Variants in NFASC observed in about 807,000 individuals in gnomAD.
NFASC encodes neurofascin homolog.
NFASC carries 43 observed loss-of-function variants against 147.5 expected under a neutral mutation model. The observed-to-expected ratio is 0.29, with a 90% CI of 0.23 to 0.38. The LOEUF (loss-of-function observed/expected upper bound fraction) is 0.38. Ranked by LOEUF, NFASC falls within the 10% of genes least tolerant of loss-of-function variation. The probability of loss-of-function intolerance (pLI) is 1.00; values close to 1 mark genes in which losing one functional copy is unlikely to be tolerated. For missense variants in NFASC, 1,320 were observed against 1,689.0 expected (o/e 0.78, Z 3.83); for synonymous variants, 622 against 665.5 (o/e 0.93, Z 1.01).
At chr1:204,912,308 T>C (rs903795044) in intron 1 of NFASC, among the ~76,000 whole-genome samples, 2 of 152,074 alleles carry the variant, frequency 1.3e-5, no homozygotes, top group African/African-American at 2.4e-5. Flanking sequence ...GCTGTGTCCC[T>C]CGGATTTTGA....
intron 1 of NFASC, among the ~76,000 whole-genome samples, chr1:204,917,570 T>C (rs2149399171): frequency 6.6e-6 from 1 of 152,322 alleles, no homozygotes; most frequent in African/African-American, 2.4e-5. Context: ...TTATTTAGGA[T>C]TATTTTAAAA....
rs2095212491 is a variant in NFASC, at chr1:204,970,696, G to A, written c.1084G>A (p.Gly362Arg). The stretch of plus-strand genomic sequence containing the variant: ...TGGGAGACTGGTGTGTCGAGCCAAT[G>A]GAAACCCCAAACCCACTGTCCAGTG... ...EDGRLVCRANGNPKPTVQWMV... is the reference protein window; with the variant it reads ...EDGRLVCRANRNPKPTVQWMV... Residue 362 changes from glycine (G) to arginine (R), a missense_variant, in exon 11 of 30, where the codon GGA becomes AGA. By Grantham distance (125) the Gly-to-Arg change is moderately radical. Around this residue, in one of 3 missense-constraint regions of NFASC, gnomAD observed 981 missense variants for 1,289.5 expected, o/e 0.76. Transcript: ENST00000339876. 1 of 1,614,102 alleles carries A rather than the reference G, an allele frequency of 6.2e-7. No individual in the cohort carries two copies. The highest frequency in any genetic ancestry group is 8.5e-7 in the Non-Finnish European group (1 of 1,180,050).
intron 1 of NFASC, among the ~76,000 whole-genome samples, chr1:204,893,307 CT>C (rs1237825626): frequency 6.6e-6 from 1 of 152,056 alleles, no homozygotes; most frequent in African/African-American, 2.4e-5. Flanking sequence ...TACTGAACAG[CT>C]GAAAATATAG....
chr1:204,846,952 C>CGTGTGTGTGTCTGTGTGT (rs1034512647), intron 1 of NFASC, among the ~76,000 whole-genome samples: 3,497 of 124,600 alleles, frequency 0.028, 110 homozygotes, highest in East Asian at 0.11. Flanking sequence ...TGTGTGTACG[C>CGTGTGTGTGTCTGTGTGT]GTGTGTGTGT....
At chr1:204,929,760 C>T (rs2092162317) in intron 2 of NFASC, among the ~76,000 whole-genome samples, 1 of 152,038 alleles carries the variant, frequency 6.6e-6, no homozygotes. Context: ...GCCTCTTCCC[C>T]TTCTAATCTT....
chr1:204,909,718 C>G (rs564487302), intron 1 of NFASC, among the ~76,000 whole-genome samples: 1 of 152,256 alleles, frequency 6.6e-6, no homozygotes, highest in East Asian at 1.9e-4. Context: ...TTTAAGTTGG[C>G]CATCCAATTT....
chr1:204,886,107 CTA>C (rs1393320622), intron 1 of NFASC, among the ~76,000 whole-genome samples: 1 of 152,172 alleles, frequency 6.6e-6, no homozygotes, highest in African/African-American at 2.4e-5. Context: ...GACAATAAGT[CTA>C]GGCTCAAGCT....
At chr1:204,973,184 C>T (rs554904325) in intron 11 of NFASC, 92 bp from the exon 12 acceptor site, 31 of 1,419,218 alleles carry the variant, frequency 2.2e-5, no homozygotes, top group Admixed American at 8.7e-5. Context: ...CACAGCACCC[C>T]GCTTGTTCCT....
At chr1:204,883,806 A>T (rs2080783840) in intron 1 of NFASC, among the ~76,000 whole-genome samples, 1 of 152,196 alleles carries the variant, frequency 6.6e-6, no homozygotes, top group Non-Finnish European at 1.5e-5. Context: ...GGCCTGAGCC[A>T]CTGGAAGGCC....
chr1:204,835,001 T>C (rs1215577183), intron 1 of NFASC, among the ~76,000 whole-genome samples: 2 of 152,144 alleles, frequency 1.3e-5, no homozygotes, highest in African/African-American at 4.8e-5. Context: ...AAGCACCTGC[T>C]ATTTGGGTCA....
At chr1:204,936,976 G>C (rs1446094664) in intron 2 of NFASC, among the ~76,000 whole-genome samples, 1 of 152,172 alleles carries the variant, frequency 6.6e-6, no homozygotes, top group Non-Finnish European at 1.5e-5. Flanking sequence ...CCTGCCACAG[G>C]GCCTTTGCAC....
At chr1:204,953,571 C>T (rs1336260724) in intron 5 of NFASC, among the ~76,000 whole-genome samples, 1 of 152,208 alleles carries the variant, frequency 6.6e-6, no homozygotes, top group East Asian at 1.9e-4. Flanking sequence ...ACTGGGATTA[C>T]AGGCGTGAGC....
intron 4 of NFASC, among the ~76,000 whole-genome samples, chr1:204,950,831 C>T (rs2094057227): frequency 6.6e-6 from 1 of 152,166 alleles, no homozygotes; most frequent in Admixed American, 6.5e-5. Context: ...GCTGTTTCCC[C>T]ATCCTCCAGT....
chr1:205,004,950 G>A (rs1215161995), intron 27 of NFASC, among the ~76,000 whole-genome samples: 1 of 152,232 alleles, frequency 6.6e-6, no homozygotes, highest in Non-Finnish European at 1.5e-5. Flanking sequence ...ACATAACCCT[G>A]GACTCCAAGA....
At chr1:205,009,793 C>A in intron 28 of NFASC, 105 bp downstream of exon 28, 1 of 1,198,952 alleles carries the variant, frequency 8.3e-7, no homozygotes, top group Non-Finnish European at 1.2e-6. Context: ...CTCAGTGAAG[C>A]CAGCCCTTGC....
chr1:204,928,976 C>T (rs1451954698), intron 2 of NFASC, among the ~76,000 whole-genome samples: 1 of 152,170 alleles, frequency 6.6e-6, no homozygotes, highest in Non-Finnish European at 1.5e-5. Context: ...TTCTTCTTTC[C>T]CAGCCCTTCC....
chr1:204,901,073 G>A lies in NFASC; in HGVS notation c.-199-19559G>A, dbSNP rs2084465669. 2.0e-5 allele frequency among the ~76,000 whole-genome samples: 3 copies of A among 152,160 alleles called. No individual in the cohort carries two copies. The South Asian group carries it at 6.2e-4, about 32-fold the overall frequency. On this transcript the variant is annotated intron_variant, in intron 1 of 29. Coordinates refer to ENST00000339876, the MANE Select transcript of NFASC (RefSeq NM_001005388.3). ...GAGGCAAAGAGCACTCTTGAGGTCT[G>A]TCATGAACTAAAATGGGAAAGGCTG... is the stretch of plus-strand genomic sequence containing the variant.
At chr1:204,923,762 C>T (rs1225003715) in intron 2 of NFASC, among the ~76,000 whole-genome samples, 1 of 152,164 alleles carries the variant, frequency 6.6e-6, no homozygotes, top group Non-Finnish European at 1.5e-5. Context: ...CCCCATTTTC[C>T]TGTGGGCACC....
chr1:204,948,606 A>G (rs987888232), intron 3 of NFASC: 1 of 518,632 alleles, frequency 1.9e-6, no homozygotes, highest in Non-Finnish European at 3.8e-6. Context: ...AAAACAAAAA[A>G]CTCTGGACCA....
Sources: gnomAD v4.1 joint callset for allele counts (sites outside exome capture counted in the v4.1 genomes callset) on GRCh38, gnomAD v4.1.1 for gene constraint, gnomAD v4.1.1 regional missense constraint, MANE v1.5 for transcripts, NCBI Gene and HGNC (gene_info 2026-07-23, HGNC 2026-07-21) for gene names.